ZC3H11A: variants seen among roughly 807,000 people sequenced by gnomAD.
The protein encoded by ZC3H11A is zinc finger CCCH domain-containing protein 11A.
Under a neutral mutation model 90.8 loss-of-function variants are expected in ZC3H11A, and 22 were observed. The ratio of observed to expected loss-of-function variants is 0.24; its 90% confidence interval spans 0.17 to 0.35. The LOEUF (loss-of-function observed/expected upper bound fraction) is 0.35. ZC3H11A is among the 10% of genes least tolerant of loss of function. ZC3H11A has a pLI of 1.00. For missense variants in ZC3H11A, 701 were observed against 964.9 expected, an observed-to-expected ratio of 0.73 and a Z score of 3.62; for synonymous variants, 294 against 339.8, an observed-to-expected ratio of 0.87 and a Z score of 1.48.
Position 203,850,086 on chromosome 1 carries a change from T to C in ZC3H11A, c.1939+60T>C, listed in dbSNP as rs1318626483. On this transcript the variant is annotated intron_variant, in intron 15 of 17. Transcript: ENST00000367210. ...ATCAAAATTACCAAATTCAACCCAA[T>C]TGTTGCCAGTAACTTCCTGGCAACA... The C allele has an allele frequency of 9.3e-6, 14 of 1,512,436 alleles. No individual in the cohort carries two copies. In the African/African-American group the frequency reaches 1.5e-4, roughly 17 times the overall value. The allele number at this position is 1,512,436 out of a possible 1,614,324, so 93.7% of individuals were successfully genotyped here. A position where few individuals can be genotyped will look rare whatever the true frequency, so the allele number is the denominator to read the frequency against.
intron 5 of ZC3H11A, 68 bp from the exon 6 acceptor site, chr1:203,829,383 T>A (rs1681545644): frequency 4.6e-6 from 7 of 1,518,934 alleles, no homozygotes; most frequent in African/African-American, 1.4e-5. Flanking sequence ...TCATAGGTGG[T>A]CAGGAATTTT....
At chr1:203,842,219 A>G (rs1170967314) in intron 12 of ZC3H11A, among the ~76,000 whole-genome samples, 2 of 152,122 alleles carry the variant, frequency 1.3e-5, no homozygotes, top group African/African-American at 4.8e-5. Flanking sequence ...AGAGGCTGCA[A>G]TCTCAGCACT....
chr1:203,821,126 G>A (rs1450004981), intron 4 of ZC3H11A, among the ~76,000 whole-genome samples: 2 of 152,036 alleles, frequency 1.3e-5, no homozygotes, highest in African/African-American at 2.4e-5. Flanking sequence ...TTTCCCCCAC[G>A]CTATTCTCAT....
intron 4 of ZC3H11A, among the ~76,000 whole-genome samples, chr1:203,827,646 C>CA: frequency 6.6e-6 from 1 of 150,538 alleles, no homozygotes; most frequent in East Asian, 2.0e-4. Context: ...CGCGCCACTG[C>CA]ACTCCAGCCT....
chr1:203,808,248 A>G (rs1192472906), intron 2 of ZC3H11A, among the ~76,000 whole-genome samples: 1 of 152,274 alleles, frequency 6.6e-6, no homozygotes, highest in Middle Eastern at 3.4e-3. Flanking sequence ...TCTCCTTTAC[A>G]TTCTGGATGA....
intron 2 of ZC3H11A, among the ~76,000 whole-genome samples, chr1:203,815,219 T>TTTTC (rs1675922592): frequency 7.7e-6 from 1 of 129,618 alleles, no homozygotes; most frequent in African/African-American, 2.9e-5. Context: ...TTCTTTTCTT[T>TTTTC]TTTTTTTTTT....
chr1:203,843,885 T>A (rs1687162174), intron 12 of ZC3H11A, among the ~76,000 whole-genome samples: 1 of 152,100 alleles, frequency 6.6e-6, no homozygotes, highest in Non-Finnish European at 1.5e-5. Context: ...GAGATGGAGT[T>A]TCGCTCTTGT....
intron 2 of ZC3H11A, among the ~76,000 whole-genome samples, chr1:203,815,379 C>T (rs1572042002): frequency 2.1e-5 from 2 of 96,914 alleles, no homozygotes; most frequent in Admixed American, 1.3e-4. Flanking sequence ...CCACACCCAG[C>T]TTTTTTTTTT....
chr1:203,817,985 G>A (rs1482196140), intron 3 of ZC3H11A, among the ~76,000 whole-genome samples: 2 of 151,978 alleles, frequency 1.3e-5, no homozygotes, highest in Admixed American at 6.6e-5. Flanking sequence ...CTGACCTTGT[G>A]ATCTGCCCGC....
rs754781556 is a variant in ZC3H11A at position 203,828,279 on chromosome 1, T to G, written c.175-20T>G. ...GTATCACTGTTTTATTTGAAAGCAA[T>G]GTGTTTTTCCCTCTTACAGAAAAAA... On this transcript the variant is annotated intron_variant, in intron 4 of 17. Transcript: ENST00000367210. 3 of 1,613,762 alleles carry G rather than the reference T, an allele frequency of 1.9e-6. No individual in the cohort carries two copies. In the African/African-American group the frequency reaches 4.0e-5, roughly 22 times the overall value.
At chr1:203,808,584 G>A (rs1320097498) in intron 2 of ZC3H11A, among the ~76,000 whole-genome samples, 1 of 151,944 alleles carries the variant, frequency 6.6e-6, no homozygotes, top group Non-Finnish European at 1.5e-5. Context: ...GAGTTTTCTG[G>A]AATTATTTTC....
chr1:203,850,794 C>A, intron 16 of ZC3H11A, 113 bp downstream of exon 16: 1 of 1,421,546 alleles, frequency 7.0e-7, no homozygotes, highest in Non-Finnish European at 9.5e-7. Context: ...CATTTCCTAG[C>A]ATTTTAGTAA....
At chr1:203,842,784 T>A (rs1375479963) in intron 12 of ZC3H11A, among the ~76,000 whole-genome samples, 1 of 151,742 alleles carries the variant, frequency 6.6e-6, no homozygotes, top group Non-Finnish European at 1.5e-5. Flanking sequence ...ATTGGTGTCA[T>A]CTGGGTATTG....
At position 203,829,942 on chromosome 1, in the gene ZC3H11A, A is replaced by G. The variant is rs187308188; in HGVS notation, c.619+46A>G. On this transcript the variant is annotated intron_variant, in intron 7 of 17. Transcript: ENST00000367210. Reference sequence around the variant, plus strand: ...TGCCTCTTATAGCACTGTTGAAACTACCTTTGAAATTTAGTTCACAATCAT... The same window carrying G: ...TGCCTCTTATAGCACTGTTGAAACTGCCTTTGAAATTTAGTTCACAATCAT... 3.1e-4 allele frequency: 472 copies of G among 1,546,406 alleles called. 2 individuals are homozygous for G. Among genetic ancestry groups the G allele is most frequent in the Admixed American group, 4.5e-4 (27 of 59,506 alleles).
rs1271760500 is a variant in ZC3H11A, at chr1:203,853,175, CTTTTT to C, written c.*777_*781del. On this transcript the variant is annotated 3_prime_UTR_variant, in exon 18 of 18. Coordinates refer to ENST00000367210, the MANE Select transcript of ZC3H11A (RefSeq NM_001376342.1). The stretch of plus-strand genomic sequence containing the variant: ...ATTCTTTTTTAGTATGAAAATTGTC[CTTTTT>C]CTTCTTCAGTACTTGCCTCCTTGCT... 6.6e-6 allele frequency: 1 copy of C among 151,464 alleles called. No homozygotes were observed. The highest frequency in any genetic ancestry group is 2.0e-4 in the East Asian group (1 of 5,110). 9.4% of individuals were successfully genotyped at this position (151,464 alleles called of 1,614,324 possible). A position where few individuals can be genotyped will look rare whatever the true frequency, so the allele number is the denominator to read the frequency against.
At chr1:203,834,688 C>T (rs1250489221) in intron 10 of ZC3H11A, among the ~76,000 whole-genome samples, 2 of 151,720 alleles carry the variant, frequency 1.3e-5, no homozygotes, top group African/African-American at 2.4e-5. Flanking sequence ...CTTGCTCTGT[C>T]GCCCACGCTG....
chr1:203,838,084 C>T lies in ZC3H11A; in HGVS notation c.973+20C>T. 6.2e-7 allele frequency: 1 copy of T among 1,608,732 alleles called. No homozygotes were observed. Among genetic ancestry groups the T allele is most frequent in the Non-Finnish European group, 8.5e-7 (1 of 1,176,278 alleles). ...AGAAAGGTACCTGTGTTCTTACATA[C>T]TTTGTGTGTGTATGTAATTATGACA... On this transcript the variant is annotated intron_variant, in intron 11 of 17. Coordinates refer to ENST00000367210, the MANE Select transcript of ZC3H11A (RefSeq NM_001376342.1).
rs374960783 is a variant in ZC3H11A at position 203,848,361 on chromosome 1, G to A, written c.1577G>A (p.Gly526Glu). 85 of 1,612,974 alleles carry A rather than the reference G, an allele frequency of 5.3e-5. No homozygotes were observed. The highest frequency in any genetic ancestry group is 6.9e-5 in the Non-Finnish European group (81 of 1,179,632). ...AAAGAAGAGAAGAACCTTCAGGAAGGAAATGAAGTTGATTCTCAGAGCAGT... is the reference window on the plus strand; with the variant it reads ...AAAGAAGAGAAGAACCTTCAGGAAGAAAATGAAGTTGATTCTCAGAGCAGT... Reference protein sequence around the residue: ...GMKEEKNLQEGNEVDSQSSIR... With the variant: ...GMKEEKNLQEENEVDSQSSIR... Residue 526 changes from glycine (G) to glutamate (E), a missense_variant, in exon 14 of 18, where the codon GGA becomes GAA. By Grantham distance (98) the Gly-to-Glu change is moderately conservative. This residue lies in a region of ZC3H11A where 530 missense variants were observed against 696.2 expected (regional missense o/e 0.76). Transcript: ENST00000367210.
intron 15 of ZC3H11A, chr1:203,850,268 G>C (rs1189905749): frequency 6.1e-6 from 4 of 653,244 alleles, no homozygotes; most frequent in Admixed American, 2.9e-5. Flanking sequence ...TCTTTCCTCT[G>C]GTATTGAATA....
Sources: allele counts gnomAD v4.1 joint callset (sites outside exome capture counted in the v4.1 genomes callset), GRCh38; gene constraint gnomAD v4.1.1; regional missense constraint gnomAD v4.1.1; transcripts MANE v1.5; gene names NCBI Gene and HGNC (gene_info 2026-07-23, HGNC 2026-07-21).